Variants in NUBPL observed in about 807,000 individuals in gnomAD.
The protein encoded by NUBPL is iron-sulfur cluster transfer protein NUBPL.
A neutral mutation model predicts 45.7 loss-of-function variants in NUBPL; 31 were observed. The observed-to-expected ratio is 0.68, with a 90% confidence interval of 0.51 to 0.92. The LOEUF (loss-of-function observed/expected upper bound fraction) is 0.92, where lower values mean the gene tolerates loss of function less well. NUBPL is among the 40% of genes least tolerant of loss of function. The pLI is 0.00. For synonymous variants in NUBPL, 144 were observed against 140.9 expected (o/e 1.02, Z -0.15); for missense variants, 401 against 398.7 (o/e 1.01, Z -0.05).
intron 3 of NUBPL, among the ~76,000 whole-genome samples, chr14:31,587,314 T>C (rs2034020161): frequency 6.6e-6 from 1 of 152,176 alleles, no homozygotes; most frequent in Admixed American, 6.5e-5. Context: ...GGCCAGGCAT[T>C]TGATCTGTCA....
intron 6 of NUBPL, 53 bp from the exon 7 acceptor site, chr14:31,787,727 A>T: frequency 8.7e-7 from 1 of 1,142,878 alleles, no homozygotes; most frequent in Non-Finnish European, 1.3e-6. Flanking sequence ...TGTTTACATC[A>T]CTATTCAACA....
intron 6 of NUBPL, among the ~76,000 whole-genome samples, chr14:31,756,372 TC>T (rs1391492662): frequency 1.1e-4 from 17 of 152,076 alleles, no homozygotes; most frequent in African/African-American, 4.1e-4. Context: ...CTCTTTTATT[TC>T]CTTGAGCAGT....
intron 3 of NUBPL, among the ~76,000 whole-genome samples, chr14:31,580,000 G>T (rs1462929485): frequency 6.6e-6 from 1 of 152,194 alleles, no homozygotes; most frequent in African/African-American, 2.4e-5. Flanking sequence ...GGCAAAATGG[G>T]AACTTAAGAT....
At chr14:31,811,038 G>A (rs150419323) in intron 7 of NUBPL, among the ~76,000 whole-genome samples, 1 of 152,074 alleles carries the variant, frequency 6.6e-6, no homozygotes, top group Admixed American at 6.6e-5. Context: ...TTTCTCTCTG[G>A]CTGCCCTTAG....
rs952357533 is a variant in NUBPL, at chr14:31,856,035, T to C, written c.898-3083T>C. On this transcript the variant is annotated intron_variant, in intron 10 of 10. Coordinates refer to ENST00000281081, the MANE Select transcript of NUBPL (RefSeq NM_025152.3). ...GTATATAAATATATAACTGTAAGCA[T>C]ATTATTTTATTCGTTTGTTTTCACA... 6.6e-5 allele frequency among the ~76,000 whole-genome samples: 10 copies of C among 152,316 alleles called. No homozygotes were observed. In the East Asian group the frequency reaches 1.9e-3, roughly 29 times the overall value.
intron 7 of NUBPL, among the ~76,000 whole-genome samples, chr14:31,826,149 C>T (rs1486008892): frequency 6.6e-6 from 1 of 152,022 alleles, no homozygotes; most frequent in Middle Eastern, 3.2e-3. Flanking sequence ...GAGATGAAGT[C>T]TTGCTCTGTC....
chr14:31,769,368 C>T (rs1488034976), intron 6 of NUBPL, among the ~76,000 whole-genome samples: 1 of 152,154 alleles, frequency 6.6e-6, no homozygotes, highest in African/African-American at 2.4e-5. Flanking sequence ...CTCCTAGCTC[C>T]TTACCTAGAG....
At chr14:31,754,591 C>CTTTTTT (rs59085679) in intron 6 of NUBPL, among the ~76,000 whole-genome samples, 9 of 103,694 alleles carry the variant, frequency 8.7e-5, no homozygotes, top group Non-Finnish European at 1.5e-4. Context: ...AGAGGGTTTT[C>CTTTTTT]TTTTTTTTTT....
chr14:31,803,620 C>T (rs1458788341), intron 7 of NUBPL, among the ~76,000 whole-genome samples: 2 of 152,030 alleles, frequency 1.3e-5, no homozygotes, highest in South Asian at 2.1e-4. Context: ...TTCAAGCACA[C>T]CGTCTTTCCA....
intron 4 of NUBPL, among the ~76,000 whole-genome samples, chr14:31,599,945 A>G (rs12882880): frequency 1 from 145,863 of 146,180 alleles, 72,774 homozygotes; most frequent in Middle Eastern, 1. Context: ...TTTTTGAGAC[A>G]GAGTCCCACC....
At chr14:31,574,256 T>C (rs1384304274) in intron 3 of NUBPL, among the ~76,000 whole-genome samples, 1 of 139,080 alleles carries the variant, frequency 7.2e-6, no homozygotes, top group Non-Finnish European at 1.6e-5. Context: ...ACATCTTATG[T>C]ACTCAAAAAA....
At chr14:31,569,142 A>G (rs527284029) in intron 3 of NUBPL, among the ~76,000 whole-genome samples, 5 of 152,260 alleles carry the variant, frequency 3.3e-5, no homozygotes, top group African/African-American at 1.2e-4. Context: ...GGGCTGGACC[A>G]TATGCCTAGT....
chr14:31,826,953 A>G (rs1157631758), intron 8 of NUBPL, among the ~76,000 whole-genome samples: 3 of 152,186 alleles, frequency 2.0e-5, no homozygotes, highest in African/African-American at 4.8e-5. Flanking sequence ...TAGAAGTGCT[A>G]CTTCTCTCAT....
rs2033816774 is a variant in NUBPL at position 31,579,835 on chromosome 14, A to G, written c.291+14787A>G. Among the ~76,000 whole-genome samples, 5 of 152,248 alleles carry G rather than the reference A, an allele frequency of 3.3e-5. No homozygotes were observed. The South Asian group carries it at 1.0e-3, about 32-fold the overall frequency. ...ATCTGAGCAGAAACTATTAATATCT[A>G]GGGTGTTACCTGGTGCTGATAGAAG... is the stretch of plus-strand genomic sequence containing the variant. On this transcript the variant is annotated intron_variant, in intron 3 of 10. Transcript: ENST00000281081.
chr14:31,702,532 A>G (rs539425988), intron 6 of NUBPL, among the ~76,000 whole-genome samples: 7 of 152,376 alleles, frequency 4.6e-5, no homozygotes, highest in Non-Finnish European at 5.9e-5. Context: ...AATTCTTTAC[A>G]GAAATAATGT....
At chr14:31,698,791 G>A (rs115387717) in intron 6 of NUBPL, among the ~76,000 whole-genome samples, 226 of 150,588 alleles carry the variant, frequency 1.5e-3, no homozygotes, top group Middle Eastern at 0.014. Flanking sequence ...CTTATTTTTC[G>A]TATTATTATT....
chr14:31,690,789 G>T (rs1595499436), intron 6 of NUBPL, among the ~76,000 whole-genome samples: 1 of 152,170 alleles, frequency 6.6e-6, no homozygotes, highest in Non-Finnish European at 1.5e-5. Context: ...GCACCTCAGA[G>T]AAATTCAAGA....
chr14:31,849,233 T>C (rs2040501271), intron 9 of NUBPL, among the ~76,000 whole-genome samples: 1 of 152,226 alleles, frequency 6.6e-6, no homozygotes, highest in Admixed American at 6.5e-5. Context: ...AAATGACTTA[T>C]TTGAATAAAG....
intron 4 of NUBPL, among the ~76,000 whole-genome samples, chr14:31,620,145 G>A (rs1460993085): frequency 6.6e-6 from 1 of 151,728 alleles, no homozygotes; most frequent in Non-Finnish European, 1.5e-5. Flanking sequence ...TGTCATTTAT[G>A]TTCTTTAAAC....
Sources: gnomAD v4.1 joint callset for allele counts (sites outside exome capture counted in the v4.1 genomes callset) on GRCh38, gnomAD v4.1.1 for gene constraint, MANE v1.5 for transcripts, NCBI Gene and HGNC (gene_info 2026-07-23, HGNC 2026-07-21) for gene names.